Variants in PDE1A observed in about 807,000 individuals in gnomAD.
The protein encoded by PDE1A is phosphodiesterase 1A.
A neutral mutation model predicts 61.7 loss-of-function variants in PDE1A; 35 were observed. That is an observed-to-expected ratio of 0.57 (90% confidence interval 0.43 to 0.75). The LOEUF (loss-of-function observed/expected upper bound fraction) is 0.75. Among genes scored for constraint, PDE1A ranks in the 30% least tolerant of loss-of-function variants. The pLI, the probability that PDE1A is intolerant of heterozygous loss-of-function variation, is 0.00. For missense variants in PDE1A, 597 were observed against 630.6 expected (o/e 0.95, Z 0.57); for synonymous variants, 232 against 213.2 (o/e 1.09, Z -0.77).
At chr2:182,535,107 T>A in the PDE1A span, among the ~76,000 whole-genome samples, 1 of 152,082 alleles carries the variant, frequency 6.6e-6, no homozygotes, top group Non-Finnish European at 1.5e-5. Flanking sequence ...TATTTGTCCC[T>A]GAAGCACCTC....
upstream of PDE1A, among the ~76,000 whole-genome samples, chr2:182,430,045 G>A (rs549602569): frequency 6.6e-5 from 10 of 152,224 alleles, no homozygotes; most frequent in South Asian, 2.1e-4. Flanking sequence ...GGAGGGAAAC[G>A]AAACTGCAAG....
chr2:182,467,204 A>G (rs1459260641), intron 2 of PDE1A, among the ~76,000 whole-genome samples: 1 of 151,858 alleles, frequency 6.6e-6, no homozygotes, highest in Non-Finnish European at 1.5e-5. Flanking sequence ...TACCAATATC[A>G]GGAATGAAAG....
chr2:182,537,653 G>A, the PDE1A span, among the ~76,000 whole-genome samples: 1 of 151,780 alleles, frequency 6.6e-6, no homozygotes, highest in Non-Finnish European at 1.5e-5. Flanking sequence ...ATAATAAAAA[G>A]AAATGAAAAT....
At chr2:182,471,561 AC>A (rs1233402189) in intron 2 of PDE1A, among the ~76,000 whole-genome samples, 1 of 151,756 alleles carries the variant, frequency 6.6e-6, no homozygotes, top group African/African-American at 2.4e-5. Flanking sequence ...AATTCCTTTT[AC>A]CTATTAAGAT....
intron 3 of PDE1A, among the ~76,000 whole-genome samples, chr2:182,235,020 T>C (rs1429055326): frequency 6.6e-6 from 1 of 152,158 alleles, no homozygotes; most frequent in African/African-American, 2.4e-5. Flanking sequence ...CTAGCAAAAA[T>C]TGTTTAAGTT....
rs3063250 is a variant in PDE1A at position 182,238,266 on chromosome 2, C to CAAAAAAAAAAAAAAAAAAAAAAAAA, written c.350+1843_350+1844insTTTTTTTTTTTTTTTTTTTTTTTTT. On this transcript the variant is annotated intron_variant, in intron 3 of 13. Transcript: ENST00000351439. The stretch of plus-strand genomic sequence containing the variant: ...CCTGGGTGACAGAGCCAGACTACGT[C>CAAAAAAAAAAAAAAAAAAAAAAAAA]AAAAAAAAAAAAAAAAGAAAAAGAA... 2.2e-4 allele frequency among the ~76,000 whole-genome samples: 22 copies of CAAAAAAAAAAAAAAAAAAAAAAAAA among 98,032 alleles called. 1 individual carries two copies. Among genetic ancestry groups the CAAAAAAAAAAAAAAAAAAAAAAAAA allele is most frequent in the African/African-American group, 4.0e-4 (9 of 22,676 alleles). 64.3% of individuals were successfully genotyped at this position (98,032 alleles called of 152,430 possible).
chr2:182,255,207 C>T (rs187086516), intron 2 of PDE1A, among the ~76,000 whole-genome samples: 28 of 152,304 alleles, frequency 1.8e-4, no homozygotes, highest in African/African-American at 5.1e-4. Context: ...ATAGTCACCA[C>T]TAGCCATCAA....
chr2:182,147,417 T>G (rs754833633), intron 13 of PDE1A, among the ~76,000 whole-genome samples: 1 of 152,186 alleles, frequency 6.6e-6, no homozygotes, highest in Non-Finnish European at 1.5e-5. Context: ...ATGAAACATG[T>G]TTAAACATCT....
chr2:182,560,647 T>C, the PDE1A span, among the ~76,000 whole-genome samples: 17 of 152,280 alleles, frequency 1.1e-4, no homozygotes, highest in African/African-American at 2.9e-4. Context: ...ACACTGACTT[T>C]CACGATGGTT....
At chr2:182,251,733 C>A (rs1458054075) in intron 2 of PDE1A, among the ~76,000 whole-genome samples, 1 of 152,190 alleles carries the variant, frequency 6.6e-6, no homozygotes, top group Non-Finnish European at 1.5e-5. Flanking sequence ...TCCTTATGCA[C>A]ATTATTTCAC....
rs1287393991 is a variant in PDE1A, at chr2:182,342,666, A to G, written c.54-78252T>C. On this transcript the variant is annotated intron_variant, in intron 1 of 13. Coordinates refer to ENST00000351439, the Ensembl canonical transcript of PDE1A. Reference sequence around the variant, plus strand: ...CCACTGCACTCCAGCCTGGGCAACAAAGCGAGACTCCGTCTCAAAAATGAA... The same window carrying G: ...CCACTGCACTCCAGCCTGGGCAACAGAGCGAGACTCCGTCTCAAAAATGAA... Among the ~76,000 whole-genome samples, 4 of 152,226 alleles carry G rather than the reference A, an allele frequency of 2.6e-5. No homozygotes were observed. In the East Asian group the frequency reaches 7.7e-4, roughly 29 times the overall value.
intron 2 of PDE1A, among the ~76,000 whole-genome samples, chr2:182,246,394 C>CTTTTTTTTTTTTTTTTTT: frequency 9.5e-6 from 1 of 105,366 alleles, no homozygotes; most frequent in Non-Finnish European, 1.9e-5. Context: ...AGTCTTTTTT[C>CTTTTTTTTTTTTTTTTTT]TTTTTTCTTT....
chr2:182,686,506 A>G, the PDE1A span, among the ~76,000 whole-genome samples: 2 of 152,234 alleles, frequency 1.3e-5, no homozygotes, highest in Non-Finnish European at 2.9e-5. Context: ...TGAAATAGCA[A>G]GTAATAGAGG....
At chr2:182,271,344 G>A (rs915825182) in intron 1 of PDE1A, among the ~76,000 whole-genome samples, 6 of 151,964 alleles carry the variant, frequency 3.9e-5, no homozygotes, top group African/African-American at 1.2e-4. Context: ...TCTTAAAAAT[G>A]TGTTTACAGT....
chr2:182,421,524 C>T (rs936916199), intron 1 of PDE1A, among the ~76,000 whole-genome samples: 1 of 152,162 alleles, frequency 6.6e-6, no homozygotes, highest in African/African-American at 2.4e-5. Context: ...CTTGCTACTG[C>T]TGCTGATAAT....
the PDE1A span, among the ~76,000 whole-genome samples, chr2:182,624,818 T>C: frequency 1.3e-5 from 2 of 152,188 alleles, no homozygotes; most frequent in East Asian, 3.9e-4. Flanking sequence ...GCCCCAGAGA[T>C]TGAGAAACAA....
the PDE1A span, among the ~76,000 whole-genome samples, chr2:182,597,127 G>A: frequency 1.3e-5 from 2 of 151,522 alleles, no homozygotes; most frequent in Admixed American, 6.6e-5. Context: ...ATTCCAGCCT[G>A]GGCAACAGAG....
chr2:182,662,352 C>G, the PDE1A span, among the ~76,000 whole-genome samples: 25 of 115,554 alleles, frequency 2.2e-4, no homozygotes, highest in Admixed American at 1.9e-3. Context: ...AAAAAAAAAA[C>G]AAAAAAAAAC....
chr2:182,415,467 G>T (rs1339213283), intron 1 of PDE1A, among the ~76,000 whole-genome samples: 1 of 152,054 alleles, frequency 6.6e-6, no homozygotes, highest in South Asian at 2.1e-4. Context: ...TTCTATTAAT[G>T]AAATCATGAA....
Sources: allele counts gnomAD v4.1 joint callset (sites outside exome capture counted in the v4.1 genomes callset), GRCh38; gene constraint gnomAD v4.1.1; transcripts MANE v1.5; gene names NCBI Gene and HGNC (gene_info 2026-07-23, HGNC 2026-07-21).